The following RTN1 variants were observed in gnomAD, a reference collection of about 807,000 sequenced individuals.
The protein encoded by RTN1 is reticulon-1.
RTN1 carries 25 observed loss-of-function variants against 65.5 expected under a neutral mutation model. That is an observed-to-expected ratio of 0.38 (90% confidence interval 0.28 to 0.53). The LOEUF is 0.53. RTN1 is among the 20% of genes least tolerant of loss of function. RTN1 has a pLI of 0.79. For synonymous variants in RTN1, 471 were observed against 447.6 expected, an observed-to-expected ratio of 1.05 and a Z score of -0.66; for missense variants, 983 against 1,025.4, an observed-to-expected ratio of 0.96 and a Z score of 0.57.
intron 3 of RTN1, among the ~76,000 whole-genome samples, chr14:59,701,304 C>A (rs1177985790): frequency 1.3e-5 from 2 of 152,134 alleles, no homozygotes; most frequent in African/African-American, 2.4e-5. Context: ...TATTATCCAG[C>A]AAGTTCACTC....
chr14:59,697,232 C>T (rs981060203), intron 3 of RTN1, among the ~76,000 whole-genome samples: 1 of 152,130 alleles, frequency 6.6e-6, no homozygotes, highest in African/African-American at 2.4e-5. Flanking sequence ...TCACTTCTCC[C>T]AGATAATTAC....
At chr14:59,784,053 G>A (rs751204102) in intron 1 of RTN1, among the ~76,000 whole-genome samples, 1 of 152,002 alleles carries the variant, frequency 6.6e-6, no homozygotes, top group Non-Finnish European at 1.5e-5. Flanking sequence ...CCTTTGCAAA[G>A]TTTCTATTAG....
chr14:59,851,021 C>T (rs1039453198), intron 1 of RTN1, among the ~76,000 whole-genome samples: 2 of 152,178 alleles, frequency 1.3e-5, no homozygotes, highest in African/African-American at 4.8e-5. Flanking sequence ...TTTCCCCCTG[C>T]AGTGCAGGGT....
rs896631880 is a variant in RTN1, at chr14:59,823,583, A to T, written c.241+46807T>A. 2.0e-5 allele frequency among the ~76,000 whole-genome samples: 3 copies of T among 152,108 alleles called. 1 individual carries two copies. Among genetic ancestry groups the T allele is most frequent in the African/African-American group, 7.2e-5 (3 of 41,402 alleles). ...TGGTTGGAATTTCTTTTCCTTAAGG[A>T]TGCTGAATATAGGCCCCCCATCTCT... On this transcript the variant is annotated intron_variant, in intron 1 of 8. Transcript: ENST00000267484.
At chr14:59,830,837 T>C (rs113333322) in intron 1 of RTN1, among the ~76,000 whole-genome samples, 1 of 152,220 alleles carries the variant, frequency 6.6e-6, no homozygotes, top group Admixed American at 6.5e-5. Context: ...GTGCCTAGCA[T>C]GTGACAAAGG....
chr14:59,736,096 CTTAAG>C, intron 2 of RTN1, among the ~76,000 whole-genome samples: 1 of 152,052 alleles, frequency 6.6e-6, no homozygotes, highest in East Asian at 1.9e-4. Context: ...CTAGAAAGAT[CTTAAG>C]TTAACAACCT....
At position 59,827,010 on chromosome 14, in the gene RTN1, C is replaced by G. The variant is rs117203741; in HGVS notation, c.241+43380G>C. ...TAGCTGGATGACAAGAAGCATCCAG[C>G]CAGGTGACAGTTTGAGGACACCAAA... is the stretch of plus-strand genomic sequence containing the variant. On this transcript the variant is annotated intron_variant, in intron 1 of 8. Coordinates refer to ENST00000267484, the MANE Select transcript of RTN1 (RefSeq NM_021136.3). 3.2e-4 allele frequency among the ~76,000 whole-genome samples: 48 copies of G among 152,250 alleles called. 1 individual carries two copies. In the East Asian group the frequency reaches 9.1e-3, roughly 29 times the overall value.
At chr14:59,864,988 T>G (rs1288433210) in intron 1 of RTN1, among the ~76,000 whole-genome samples, 2 of 152,160 alleles carry the variant, frequency 1.3e-5, no homozygotes, top group Non-Finnish European at 2.9e-5. Context: ...AGAGCATGCT[T>G]TCTATATCTT....
chr14:59,622,332 C>T (rs1221184970), intron 3 of RTN1, among the ~76,000 whole-genome samples: 1 of 152,174 alleles, frequency 6.6e-6, no homozygotes, highest in Non-Finnish European at 1.5e-5. Context: ...CGGAGCAACA[C>T]TCCATCTCTA....
chr14:59,724,312 T>G (rs531474154), intron 3 of RTN1, among the ~76,000 whole-genome samples: 15 of 152,378 alleles, frequency 9.8e-5, no homozygotes, highest in African/African-American at 3.4e-4. Context: ...CCATGGTACA[T>G]GCAATGATGC....
chr14:59,763,399 C>T (rs555422220), intron 1 of RTN1, among the ~76,000 whole-genome samples: 6 of 152,138 alleles, frequency 3.9e-5, no homozygotes, highest in Non-Finnish European at 8.8e-5. Flanking sequence ...ACTCTGAATG[C>T]TCAGTCAGGA....
chr14:59,716,670 G>A (rs1422559063), intron 3 of RTN1, among the ~76,000 whole-genome samples: 1 of 152,068 alleles, frequency 6.6e-6, no homozygotes, highest in African/African-American at 2.4e-5. Flanking sequence ...AATTGTGGTG[G>A]TGTGAGTGAG....
chr14:59,605,742 C>G lies in RTN1; in HGVS notation c.1974-236G>C, dbSNP rs969011632. ...GAGCATTGTGACTGTTTCTGGCTACCTAAGACACAGCATGGGTGGGCTGAA... is the reference window on the plus strand; with the variant it reads ...GAGCATTGTGACTGTTTCTGGCTACGTAAGACACAGCATGGGTGGGCTGAA... On this transcript the variant is annotated intron_variant, in intron 4 of 8. Transcript: ENST00000267484. 22 of 404,794 alleles carry G rather than the reference C, an allele frequency of 5.4e-5. No homozygotes were observed. In the Middle Eastern group the frequency reaches 1.9e-3, roughly 35 times the overall value. The allele number at this position is 404,794 out of a possible 1,614,324, so 25.1% of individuals were successfully genotyped here. A position where few individuals can be genotyped will look rare whatever the true frequency, so the allele number is the denominator to read the frequency against.
At chr14:59,680,013 A>T (rs1343187349) in intron 3 of RTN1, among the ~76,000 whole-genome samples, 1 of 152,212 alleles carries the variant, frequency 6.6e-6, no homozygotes, top group Non-Finnish European at 1.5e-5. Context: ...CATAGCAACA[A>T]TGAAATTTCA....
chr14:59,798,973 C>G (rs1373272209), intron 1 of RTN1, among the ~76,000 whole-genome samples: 2 of 152,106 alleles, frequency 1.3e-5, no homozygotes, highest in East Asian at 1.9e-4. Flanking sequence ...GCTAAGATCT[C>G]TTGAAAAACA....
intron 1 of RTN1, among the ~76,000 whole-genome samples, chr14:59,859,463 T>C (rs1436056878): frequency 6.6e-6 from 1 of 152,238 alleles, no homozygotes; most frequent in Non-Finnish European, 1.5e-5. Context: ...CTTTTGTAAA[T>C]TGCCCAGTCT....
intron 1 of RTN1, among the ~76,000 whole-genome samples, chr14:59,769,919 T>G (rs1329162065): frequency 6.6e-6 from 1 of 152,064 alleles, no homozygotes; most frequent in Non-Finnish European, 1.5e-5. Flanking sequence ...TATGGATGGA[T>G]AGAATGGCAA....
rs1263077818 is a variant in RTN1 at position 59,750,009 on chromosome 14, T to TATATATTATATATTATATTATATAC, written c.242-3553_242-3529dup. Among the ~76,000 whole-genome samples the TATATATTATATATTATATTATATAC allele has an allele frequency of 4.3e-4, 30 of 69,352 alleles. 1 individual carries two copies. The highest frequency in any genetic ancestry group is 2.6e-3 in the South Asian group (7 of 2,676). The allele number at this position is 69,352 out of a possible 152,430, so 45.5% of individuals were successfully genotyped here. A position where few individuals can be genotyped will look rare whatever the true frequency, so the allele number is the denominator to read the frequency against. Reference sequence around the variant, plus strand: ...ATTATATACATATATATTATATACATATATATTATATATTATATTATATAC... The same window carrying TATATATTATATATTATATTATATAC: ...ATTATATACATATATATTATATACATATATATTATATATTATATTATATACATATATTATATATTATATTATATAC... On this transcript the variant is annotated intron_variant, in intron 1 of 8. Transcript: ENST00000267484.
chr14:59,695,935 T>A (rs1262134828), intron 3 of RTN1, among the ~76,000 whole-genome samples: 1 of 152,108 alleles, frequency 6.6e-6, no homozygotes, highest in East Asian at 1.9e-4. Context: ...AATATTCAAA[T>A]GATATGTTGA....
Sources: gnomAD v4.1 joint callset for allele counts (sites outside exome capture counted in the v4.1 genomes callset) on GRCh38, gnomAD v4.1.1 for gene constraint, MANE v1.5 for transcripts, NCBI Gene and HGNC (gene_info 2026-07-23, HGNC 2026-07-21) for gene names.